The following LHX6 variants were observed in gnomAD, a reference collection of about 807,000 sequenced individuals.
LHX6 encodes LIM homeobox 6, also known as LIM/homeobox protein Lhx6.
In LHX6, 15 loss-of-function variants were observed where a neutral mutation model predicts 47.1. That is an observed-to-expected ratio of 0.32 (90% CI 0.21 to 0.49). The LOEUF is 0.49. Ranked by LOEUF, LHX6 falls within the 20% of genes least tolerant of loss-of-function variation. The probability of loss-of-function intolerance (pLI) is 0.99; values close to 1 mark genes in which losing one functional copy is unlikely to be tolerated. For synonymous variants in LHX6, 242 were observed against 233.5 expected, an observed-to-expected ratio of 1.04 and a Z score of -0.33; for missense variants, 404 against 539.6, an observed-to-expected ratio of 0.75 and a Z score of 2.49.
intron 5 of LHX6, among the ~76,000 whole-genome samples, chr9:122,215,845 C>A (rs1830575401): frequency 6.6e-6 from 1 of 152,156 alleles, no homozygotes; most frequent in Non-Finnish European, 1.5e-5. Flanking sequence ...GAAGTTGAGG[C>A]AGGGTGGTTC....
At chr9:122,224,998 T>C (rs1831033218) in intron 4 of LHX6, among the ~76,000 whole-genome samples, 1 of 152,150 alleles carries the variant, frequency 6.6e-6, no homozygotes, top group Admixed American at 6.5e-5. Flanking sequence ...AGAGTCCGTC[T>C]CTTTAACCAT....
chr9:122,213,431 A>C lies in LHX6; in HGVS notation c.1054+175T>G, dbSNP rs1830465595. On this transcript the variant is annotated intron_variant, in intron 8 of 9. Transcript: ENST00000394319. The surrounding 1 kb of genome is among the most constrained non-coding windows in gnomAD (Gnocchi z 5.5). ...ATCCCGCTCCACTGAGGCAGAGCCG[A>C]AGATTTGACCCTTCTTCCCCCAACT... Among the ~76,000 whole-genome samples, 1 of 152,054 alleles carries C rather than the reference A, an allele frequency of 6.6e-6. No individual in the cohort carries two copies. The highest frequency in any genetic ancestry group is 2.4e-5 in the African/African-American group (1 of 41,402).
At chr9:122,216,967 G>C (rs1830616418) in intron 5 of LHX6, 101 bp downstream of exon 5, 1 of 971,496 alleles carries the variant, frequency 1.0e-6, no homozygotes, top group African/African-American at 1.6e-5. Flanking sequence ...TACCGGGAGG[G>C]CCCAATCGGT....
chr9:122,217,063 G>A lies in LHX6; in HGVS notation c.682+5C>T, dbSNP rs781277979. On this transcript the variant is annotated splice_donor_5th_base_variant and intron_variant, in intron 5 of 9. Coordinates refer to ENST00000394319, the MANE Select transcript of LHX6 (RefSeq NM_014368.5). The surrounding 1 kb of genome is among the most constrained non-coding windows in gnomAD (Gnocchi z 4.9). ...CAGAGGTGCCAGGCGGAGCAGGTTG[G>A]GTACCGTTCTCGGCGGCCCTCTTGA... 1 of 1,613,180 alleles carries A rather than the reference G, an allele frequency of 6.2e-7. No homozygotes were observed. Among genetic ancestry groups the A allele is most frequent in the Non-Finnish European group, 8.5e-7 (1 of 1,179,338 alleles).
In LHX6 at chr9:122,226,456, G is replaced by C. The variant is rs760908427; in HGVS notation, c.381C>G (p.Ser127=). Residue 127 remains serine, a synonymous_variant, in exon 4 of 10, where the codon TCC becomes TCG. Transcript: ENST00000394319. The surrounding 1 kb of genome is among the most constrained non-coding windows in gnomAD (Gnocchi z 6.5). ...GCTGCCTCAGCGACGTGCGACACAC[G>C]GAGCACTCGAGGCACCGCACGTGCC... The part of the protein sequence containing the change: ...LIWHVRCLEC[S]VCRTSLRQQN... The C allele has an allele frequency of 2.5e-6, 4 of 1,613,500 alleles. No individual in the cohort carries two copies. The African/African-American group carries it at 5.3e-5, about 22-fold the overall frequency.
rs758346959 is a variant in LHX6, at chr9:122,213,686, G to A, written c.974C>T (p.Ala325Val). 39 of 1,612,764 alleles carry A rather than the reference G, an allele frequency of 2.4e-5. No individual in the cohort carries two copies. Among genetic ancestry groups the A allele is most frequent in the Non-Finnish European group, 3.2e-5 (38 of 1,179,824 alleles). ...SGAPPSRLPSALSDDIHYTPF... is the reference protein window; with the variant it reads ...SGAPPSRLPSVLSDDIHYTPF... Reference sequence around the variant, plus strand: ...GGTGTAGTGGATGTCGTCGGACAGGGCGGAGGGAAGGCGGGACGGGGGCGC... The same window carrying A: ...GGTGTAGTGGATGTCGTCGGACAGGACGGAGGGAAGGCGGGACGGGGGCGC... Residue 325 changes from alanine to valine, a missense_variant, in exon 8 of 10, where the codon GCC (alanine) becomes GTC (valine). Around this residue, in one of 7 missense-constraint regions of LHX6, gnomAD observed 127 missense variants for 116.1 expected, o/e 1.09. Transcript: ENST00000394319. The surrounding 1 kb of genome is among the most constrained non-coding windows in gnomAD (Gnocchi z 5.5).
chr9:122,227,115 G>T, intron 2 of LHX6, 85 bp from the exon 3 acceptor site: 1 of 1,276,274 alleles, frequency 7.8e-7, no homozygotes, highest in Non-Finnish European at 1.0e-6. Context: ...GGGCCCCCGA[G>T]CACCAATTGA....
rs755402198 is a variant in LHX6 at position 122,213,930 on chromosome 9, G to A, written c.879+44C>T. The A allele has an allele frequency of 6.5e-7, 1 of 1,546,432 alleles. No individual in the cohort carries two copies. The highest frequency in any genetic ancestry group is 1.3e-5 in the African/African-American group (1 of 74,074). On this transcript the variant is annotated intron_variant, in intron 7 of 9. Coordinates refer to ENST00000394319, the MANE Select transcript of LHX6 (RefSeq NM_014368.5). The surrounding 1 kb of genome is among the most constrained non-coding windows in gnomAD (Gnocchi z 5.5). The stretch of plus-strand genomic sequence containing the variant: ...CGCGCCGAGCCCAGCTACGAGCTCC[G>A]GGGCGTGCCCGCGGTCCCCAGGCCC...
chr9:122,211,642 C>T (rs897870323), intron 8 of LHX6, among the ~76,000 whole-genome samples: 3 of 152,166 alleles, frequency 2.0e-5, no homozygotes, highest in African/African-American at 7.2e-5. Flanking sequence ...GTGCACACAC[C>T]CCCAACCTCT....
rs200077245 is a variant in LHX6 at position 122,209,648 on chromosome 9, T to C, written c.1124A>G (p.Asp375Gly). The stretch of plus-strand genomic sequence containing the variant: ...CCGGTTGGAGAGCGGCCCATCCATA[T>C]CGGCTTTGAGGTGGACGGGGGGTGC... ...YTAPPVHLKA[D>G]MDGPLSNRGE... Residue 375 changes from aspartate (D) to glycine (G), a missense_variant, in exon 9 of 10, where the codon GAT (aspartate) becomes GGT (glycine). Around this residue, in one of 7 missense-constraint regions of LHX6, gnomAD observed 127 missense variants for 116.1 expected, o/e 1.09. Coordinates refer to ENST00000394319, the MANE Select transcript of LHX6 (RefSeq NM_014368.5). 4.5e-6 allele frequency: 7 copies of C among 1,545,766 alleles called. No homozygotes were observed. The East Asian group carries it at 1.6e-4, about 35-fold the overall frequency.
rs943818850 is a variant in LHX6 at position 122,221,586 on chromosome 9, G to C, written c.462-4298C>G. The C allele has an allele frequency of 4.1e-6, 4 of 985,566 alleles. No homozygotes were observed. The Admixed American group carries it at 2.5e-4, about 61-fold the overall frequency. 61.1% of individuals were successfully genotyped at this position (985,566 alleles called of 1,614,324 possible). A position where few individuals can be genotyped will look rare whatever the true frequency, so the allele number is the denominator to read the frequency against. Reference sequence around the variant, plus strand: ...GAACCCCCACCCCCATAAACACGAGGGGAAGCAGTTAACCCTTTACTCCCC... The same window carrying C: ...GAACCCCCACCCCCATAAACACGAGCGGAAGCAGTTAACCCTTTACTCCCC... On this transcript the variant is annotated intron_variant, in intron 4 of 9. Coordinates refer to ENST00000394319, the MANE Select transcript of LHX6 (RefSeq NM_014368.5).
At chr9:122,227,358 G>A (rs532783853) in intron 2 of LHX6, 51 bp downstream of exon 2, 1 of 1,456,098 alleles carries the variant, frequency 6.9e-7, no homozygotes, top group Admixed American at 2.5e-5. Flanking sequence ...AGGTCCCCAG[G>A]GCCGGGCCGC....
rs765644564 is a variant in LHX6, at chr9:122,209,635, C to T, written c.1137G>A (p.Pro379=). 2.1e-5 allele frequency: 33 copies of T among 1,590,200 alleles called. No homozygotes were observed. The highest frequency in any genetic ancestry group is 1.7e-4 in the Middle Eastern group (1 of 6,030). The change falls in exon 9 of 10, where the codon CCG becomes CCA. Residue 379 remains proline (P), a synonymous_variant. Coordinates refer to ENST00000394319, the MANE Select transcript of LHX6 (RefSeq NM_014368.5). ...TTACCTTCTCACCCCGGTTGGAGAG[C>T]GGCCCATCCATATCGGCTTTGAGGT... ...PVHLKADMDG[P]LSNRGEKVIL...
chr9:122,207,600 C>T (rs566220734), intron 9 of LHX6, among the ~76,000 whole-genome samples: 1 of 152,272 alleles, frequency 6.6e-6, no homozygotes, highest in South Asian at 2.1e-4. Context: ...CATGCTCACT[C>T]ACTACAGATT....
Position 122,209,640 on chromosome 9 carries a change from C to T in LHX6, c.1132G>A (p.Gly378Arg), listed in dbSNP as rs758688851. The change falls in exon 9 of 10, where the codon GGG (glycine) becomes AGG (arginine). Residue 378 changes from glycine to arginine, a missense_variant. Coordinates refer to ENST00000394319, the MANE Select transcript of LHX6 (RefSeq NM_014368.5). ...PPVHLKADMD[G>R]PLSNRGEKVI... is the part of the protein sequence containing the mutation. Reference sequence around the variant, plus strand: ...TTCTCACCCCGGTTGGAGAGCGGCCCATCCATATCGGCTTTGAGGTGGACG... The same window carrying T: ...TTCTCACCCCGGTTGGAGAGCGGCCTATCCATATCGGCTTTGAGGTGGACG... 1 of 1,576,030 alleles carries T rather than the reference C, an allele frequency of 6.3e-7. No individual in the cohort carries two copies. The highest frequency in any genetic ancestry group is 1.1e-5 in the South Asian group (1 of 90,370).
rs1422776685 is a variant in LHX6 at position 122,217,081 on chromosome 9, C to T, written c.669G>A (p.Arg223=). Residue 223 remains arginine (R), a synonymous_variant, in exon 5 of 10, where the codon AGG becomes AGA. Coordinates refer to ENST00000394319, the MANE Select transcript of LHX6 (RefSeq NM_014368.5). This position sits in a 1 kb window ranked among gnomAD's most constrained non-coding sequence, Gnocchi z 4.9. ...HYDTMIENLK[R]AAENGNGLTL... ...CAGGTTGGGTACCGTTCTCGGCGGC[C>T]CTCTTGAGGTTCTCAATCATGGTGT... The T allele has an allele frequency of 6.2e-7, 1 of 1,613,914 alleles. No individual in the cohort carries two copies. Among genetic ancestry groups the T allele is most frequent in the Non-Finnish European group, 8.5e-7 (1 of 1,179,978 alleles).
intron 5 of LHX6, among the ~76,000 whole-genome samples, chr9:122,215,643 A>G (rs910443585): frequency 2.0e-5 from 3 of 152,210 alleles, no homozygotes; most frequent in Non-Finnish European, 2.9e-5. Context: ...TCTACTGCTG[A>G]CTTGCTGACC....
At position 122,217,385 on chromosome 9, in the gene LHX6, G is replaced by T. The variant is rs902027648; in HGVS notation, c.462-97C>A. On this transcript the variant is annotated intron_variant, in intron 4 of 9. Transcript: ENST00000394319. The surrounding 1 kb of genome is among the most constrained non-coding windows in gnomAD (Gnocchi z 4.9). ...TGGCCCGCCAGCCCCCAGGCTCCTGGCCTCTAAGTCTTCAACTCAGGCATT... is the reference window on the plus strand; with the variant it reads ...TGGCCCGCCAGCCCCCAGGCTCCTGTCCTCTAAGTCTTCAACTCAGGCATT... The T allele has an allele frequency of 2.1e-5, 21 of 978,696 alleles. No individual in the cohort carries two copies. Among genetic ancestry groups the T allele is most frequent in the Middle Eastern group, 6.5e-4 (2 of 3,094 alleles). 60.6% of individuals were successfully genotyped at this position (978,696 alleles called of 1,614,324 possible). A position where few individuals can be genotyped will look rare whatever the true frequency, so the allele number is the denominator to read the frequency against.
Position 122,226,676 on chromosome 9 carries a change from T to G in LHX6, c.339+172A>C. The G allele has an allele frequency of 8.1e-7, 1 of 1,237,992 alleles. No homozygotes were observed. The highest frequency in any genetic ancestry group is 1.1e-6 in the Non-Finnish European group (1 of 914,702). The allele number at this position is 1,237,992 out of a possible 1,614,324, so 76.7% of individuals were successfully genotyped here. On this transcript the variant is annotated intron_variant, in intron 3 of 9. Transcript: ENST00000394319. This position sits in a 1 kb window ranked among gnomAD's most constrained non-coding sequence, Gnocchi z 6.5. The stretch of plus-strand genomic sequence containing the variant: ...AATGGAAATAAACTCTTCTTATTTT[T>G]CAGACGGAACCCGGGGGCTCAGGCA...
Sources: allele counts gnomAD v4.1 joint callset (sites outside exome capture counted in the v4.1 genomes callset), GRCh38; gene constraint gnomAD v4.1.1; regional missense constraint gnomAD v4.1.1; non-coding constraint Gnocchi (gnomAD v3.1); transcripts MANE v1.5; gene names NCBI Gene and HGNC (gene_info 2026-07-23, HGNC 2026-07-21).